The following DLG2 variants were observed in gnomAD, a reference collection of about 807,000 sequenced individuals.
The protein encoded by DLG2 is discs large MAGUK scaffold protein 2.
Under a neutral mutation model 132.5 loss-of-function variants are expected in DLG2, and 45 were observed. That is an observed-to-expected ratio of 0.34 (90% CI 0.27 to 0.44). DLG2 has a LOEUF of 0.44. Ranked by LOEUF, DLG2 falls within the 20% of genes least tolerant of loss-of-function variation. The pLI, the probability that DLG2 is intolerant of heterozygous loss-of-function variation, is 1.00. For missense variants in DLG2, 1,045 were observed against 1,196.9 expected (o/e 0.87, Z 1.87); for synonymous variants, 424 against 419.6 (o/e 1.01, Z -0.13).
chr11:85,583,549 A>C (rs1417987877), intron 3 of DLG2, among the ~76,000 whole-genome samples: 7 of 152,116 alleles, frequency 4.6e-5, no homozygotes, highest in South Asian at 4.1e-4. Flanking sequence ...TTCCTAACAC[A>C]GTCTAAGAAG....
At chr11:84,539,134 A>G (rs1213954502) in intron 6 of DLG2, among the ~76,000 whole-genome samples, 1 of 152,200 alleles carries the variant, frequency 6.6e-6, no homozygotes, top group Non-Finnish European at 1.5e-5. Flanking sequence ...CTTTATATCC[A>G]TCATCACCAT....
At chr11:85,123,019 C>T (rs1321330118) in intron 5 of DLG2, among the ~76,000 whole-genome samples, 1 of 107,114 alleles carries the variant, frequency 9.3e-6, no homozygotes, top group Admixed American at 1.1e-4. Context: ...GCTCTGTCGC[C>T]CAAGCTGGAG....
intron 14 of DLG2, among the ~76,000 whole-genome samples, chr11:83,961,637 A>G (rs1450953207): frequency 6.6e-6 from 1 of 152,038 alleles, no homozygotes; most frequent in African/African-American, 2.4e-5. Context: ...GCTTGAATAA[A>G]TGTTAATTCG....
At chr11:83,945,990 TCTC>T (rs201281523) in intron 14 of DLG2, among the ~76,000 whole-genome samples, 1,667 of 119,832 alleles carry the variant, frequency 0.014, 54 homozygotes, top group African/African-American at 0.054. Context: ...TTTCTCTCTC[TCTC>T]TTTTTTTTTT....
chr11:85,471,379 A>G (rs1161438114), intron 3 of DLG2, among the ~76,000 whole-genome samples: 2 of 152,214 alleles, frequency 1.3e-5, no homozygotes, highest in African/African-American at 4.8e-5. Flanking sequence ...TAGCCGACCT[A>G]TCAAATGGAA....
At chr11:83,808,975 C>T (rs78432419) in intron 17 of DLG2, among the ~76,000 whole-genome samples, 1,913 of 152,018 alleles carry the variant, frequency 0.013, 47 homozygotes, top group African/African-American at 0.044. Flanking sequence ...TGGGCTGTGT[C>T]TATTTCCTCC....
At chr11:85,483,607 T>A (rs146682280) in intron 3 of DLG2, among the ~76,000 whole-genome samples, 1 of 152,164 alleles carries the variant, frequency 6.6e-6, no homozygotes, top group Admixed American at 6.5e-5. Flanking sequence ...TGGTGATATG[T>A]AAATCACTTA....
chr11:83,500,405 G>A (rs2094403123), intron 21 of DLG2, among the ~76,000 whole-genome samples: 1 of 152,124 alleles, frequency 6.6e-6, no homozygotes, highest in African/African-American at 2.4e-5. Flanking sequence ...ATATGAACAT[G>A]ACCTTAAATT....
intron 6 of DLG2, among the ~76,000 whole-genome samples, chr11:85,028,819 G>C (rs1340822574): frequency 6.6e-6 from 1 of 152,078 alleles, no homozygotes; most frequent in Non-Finnish European, 1.5e-5. Flanking sequence ...GTTGCACCCA[G>C]GAGGGGGAGG....
intron 6 of DLG2, among the ~76,000 whole-genome samples, chr11:84,787,466 A>T (rs2073106876): frequency 6.6e-6 from 1 of 152,054 alleles, no homozygotes; most frequent in South Asian, 2.1e-4. Context: ...TCATAGCTCC[A>T]CTACAAAGTT....
At chr11:85,259,072 G>A (rs2076809703) in intron 4 of DLG2, among the ~76,000 whole-genome samples, 1 of 152,000 alleles carries the variant, frequency 6.6e-6, no homozygotes, top group African/African-American at 2.4e-5. Flanking sequence ...GTGTAATATG[G>A]TTTGGTTGTA....
chr11:84,636,699 G>A (rs1304971098), intron 6 of DLG2, among the ~76,000 whole-genome samples: 1 of 151,792 alleles, frequency 6.6e-6, no homozygotes, highest in Non-Finnish European at 1.5e-5. Flanking sequence ...CATTTCTTAA[G>A]AAACTAATAT....
intron 4 of DLG2, among the ~76,000 whole-genome samples, chr11:85,227,378 G>A (rs999541983): frequency 1.3e-5 from 2 of 151,896 alleles, no homozygotes; most frequent in Non-Finnish European, 2.9e-5. Context: ...ATAGTTTTTG[G>A]TTTGTTGTTC....
chr11:85,322,519 G>T (rs1157316447), intron 3 of DLG2, among the ~76,000 whole-genome samples: 6 of 152,172 alleles, frequency 3.9e-5, no homozygotes, highest in Non-Finnish European at 7.4e-5. Flanking sequence ...AGCTGATATT[G>T]CTTCCCTATG....
chr11:83,494,361 T>A (rs768837862), intron 21 of DLG2, among the ~76,000 whole-genome samples: 1 of 149,662 alleles, frequency 6.7e-6, no homozygotes, highest in Non-Finnish European at 1.5e-5. Flanking sequence ...ACCCGCAAAT[T>A]TAGTTTATGC....
At chr11:85,529,987 GTTTT>G (rs59507021) in intron 3 of DLG2, among the ~76,000 whole-genome samples, 3 of 113,116 alleles carry the variant, frequency 2.7e-5, no homozygotes, top group African/African-American at 6.6e-5. Context: ...GAGAGGGTTT[GTTTT>G]TTTTTTTTTT....
intron 6 of DLG2, among the ~76,000 whole-genome samples, chr11:84,875,037 AAG>A (rs1265460644): frequency 1.3e-4 from 20 of 151,650 alleles, no homozygotes; most frequent in Non-Finnish European, 2.5e-4. Context: ...AAAAAAAAAA[AAG>A]AGAAAGATTT....
intron 9 of DLG2, among the ~76,000 whole-genome samples, chr11:84,123,730 C>T (rs75896628): frequency 0.012 from 1,802 of 152,270 alleles, 27 homozygotes; most frequent in African/African-American, 0.034. Flanking sequence ...CATGAAATAG[C>T]GGCCCAAAAG....
chr11:85,204,623 G>T (rs373699769), intron 4 of DLG2, among the ~76,000 whole-genome samples: 1 of 151,646 alleles, frequency 6.6e-6, no homozygotes, highest in African/African-American at 2.4e-5. Context: ...AGCAATCTAC[G>T]AATTCAATGC....
Sources: allele counts gnomAD v4.1 joint callset (sites outside exome capture counted in the v4.1 genomes callset), GRCh38; gene constraint gnomAD v4.1.1; transcripts MANE v1.5; gene names NCBI Gene and HGNC (gene_info 2026-07-23, HGNC 2026-07-21).